ZDHHC15: variants seen among roughly 807,000 people sequenced by gnomAD.
ZDHHC15 encodes the protein zDHHC palmitoyltransferase 15.
Under a neutral mutation model 31.7 loss-of-function variants are expected in ZDHHC15, and 19 were observed. That is an observed-to-expected ratio of 0.60 (90% CI 0.42 to 0.88). The LOEUF (loss-of-function observed/expected upper bound fraction) is 0.88, where lower values mean the gene tolerates loss of function less well. Ranked by LOEUF, ZDHHC15 falls within the 40% of genes least tolerant of loss-of-function variation. ZDHHC15 has a pLI of 0.00. For missense variants in ZDHHC15, 209 were observed against 251.2 expected (o/e 0.83, Z 1.14); for synonymous variants, 103 against 90.0 (o/e 1.14, Z -0.82).
In ZDHHC15 at chrX:75,449,196, CTCTA is replaced by C. The variant is rs763161134; in HGVS notation, c.379+1602_379+1605del. Among the ~76,000 whole-genome samples the C allele has an allele frequency of 3.2e-3, 196 of 60,886 alleles. 5 individuals carry two copies. The East Asian group carries it at 0.13, about 40-fold the overall frequency. 52.9% of individuals were successfully genotyped at this position (60,886 alleles called of 115,157 possible). On this transcript the variant is annotated intron_variant, in intron 4 of 11. Transcript: ENST00000373367. ...CTGATTCCTCATAATCTCTCTCTCT[CTCTA>C]TACACACACACACACACACACACAC...
chrX:75,468,326 T>A (rs746165815), intron 3 of ZDHHC15, among the ~76,000 whole-genome samples: 5 of 111,869 alleles, frequency 4.5e-5, no homozygotes, highest in Non-Finnish European at 7.5e-5. Context: ...ATTACAGGCA[T>A]GAGCCACGAG....
At chrX:75,441,135 C>G (rs1044222473) in intron 4 of ZDHHC15, among the ~76,000 whole-genome samples, 12 of 112,193 alleles carry the variant, frequency 1.1e-4, no homozygotes, top group Admixed American at 3.8e-4. Context: ...AGGCCCTGCC[C>G]CTCCCTGCCT....
At chrX:75,522,759 A>T in intron 1 of ZDHHC15, 130 bp downstream of exon 1, 1 of 894,502 alleles carries the variant, frequency 1.1e-6, no homozygotes, top group Non-Finnish European at 1.5e-6. Flanking sequence ...GGGGACAAGG[A>T]ACTCTCCAGG....
rs1181822206 is a variant in ZDHHC15, at chrX:75,371,261, G to A, written c.*1717C>T. The A allele has an allele frequency of 9.0e-6, 1 of 111,447 alleles. No individual in the cohort carries two copies. Among genetic ancestry groups the A allele is most frequent in the African/African-American group, 3.3e-5 (1 of 30,621 alleles). 9.2% of individuals were successfully genotyped at this position (111,447 alleles called of 1,213,427 possible). A position where few individuals can be genotyped will look rare whatever the true frequency, so the allele number is the denominator to read the frequency against. On this transcript the variant is annotated 3_prime_UTR_variant, in exon 12 of 12. Transcript: ENST00000373367. ...AGAGTATTTTGAGAAAGAGTGTAAGGGGAAATTTTTTTCCATCTGAATATA... is the reference window on the plus strand; with the variant it reads ...AGAGTATTTTGAGAAAGAGTGTAAGAGGAAATTTTTTTCCATCTGAATATA...
chrX:75,391,522 A>G lies in ZDHHC15; in HGVS notation c.968-12324T>C, dbSNP rs1410352502. ...CAACATATCTCACAGCAGACTTTTC[A>G]GAGGAAACCTCACAGGCCAGGAGAG... On this transcript the variant is annotated intron_variant, in intron 10 of 11. Coordinates refer to ENST00000373367, the MANE Select transcript of ZDHHC15 (RefSeq NM_144969.3). 7.1e-5 allele frequency among the ~76,000 whole-genome samples: 8 copies of G among 112,372 alleles called. No individual in the cohort carries two copies. The East Asian group carries it at 2.2e-3, about 31-fold the overall frequency.
At chrX:75,518,455 T>C (rs954945392) in intron 1 of ZDHHC15, among the ~76,000 whole-genome samples, 3 of 109,709 alleles carry the variant, frequency 2.7e-5, no homozygotes, top group Non-Finnish European at 3.8e-5. Flanking sequence ...GTAAGATGGC[T>C]ATAATAAAAA....
At chrX:75,464,381 A>G (rs1467524028) in intron 3 of ZDHHC15, among the ~76,000 whole-genome samples, 1 of 111,215 alleles carries the variant, frequency 9.0e-6, no homozygotes, top group African/African-American at 3.3e-5. Flanking sequence ...ACATGTATAC[A>G]TATGTAACAA....
intron 2 of ZDHHC15, among the ~76,000 whole-genome samples, chrX:75,480,127 C>T (rs2084666258): frequency 9.0e-6 from 1 of 110,555 alleles, no homozygotes; most frequent in Admixed American, 9.6e-5. Flanking sequence ...GACTGAGCCT[C>T]TCATACATTT....
chrX:75,412,333 A>G (rs964125198), intron 10 of ZDHHC15, among the ~76,000 whole-genome samples: 2 of 112,174 alleles, frequency 1.8e-5, no homozygotes, highest in African/African-American at 6.5e-5. Flanking sequence ...CATGTTTACC[A>G]CAGAATTATT....
At chrX:75,469,906 T>C (rs1418475855) in intron 3 of ZDHHC15, among the ~76,000 whole-genome samples, 1 of 112,184 alleles carries the variant, frequency 8.9e-6, no homozygotes, top group Non-Finnish European at 1.9e-5. Context: ...GTTTTTTTTA[T>C]AGTAAGCCTT....
rs1212174572 is a variant in ZDHHC15, at chrX:75,491,442, A to C, written c.164-12457T>G. On this transcript the variant is annotated intron_variant, in intron 2 of 11. Transcript: ENST00000373367. ...ATTGAACAATGAGAACACATGGACA[A>C]AGGAAGGGGAACATCACACTCTGGG... Among the ~76,000 whole-genome samples the C allele has an allele frequency of 3.8e-3, 337 of 89,415 alleles. 1 individual carries two copies. The highest frequency in any genetic ancestry group is 0.013 in the African/African-American group (306 of 23,755). 77.6% of individuals were successfully genotyped at this position (89,415 alleles called of 115,157 possible).
chrX:75,496,067 G>C (rs1451458842), intron 2 of ZDHHC15, among the ~76,000 whole-genome samples: 2 of 110,795 alleles, frequency 1.8e-5, no homozygotes, highest in African/African-American at 6.6e-5. Flanking sequence ...ATGGCAGAAT[G>C]GAGAAAAATC....
intron 10 of ZDHHC15, among the ~76,000 whole-genome samples, chrX:75,386,791 T>A (rs2083184773): frequency 8.9e-6 from 1 of 112,282 alleles, no homozygotes; most frequent in Non-Finnish European, 1.9e-5. Context: ...GGATTCTTTT[T>A]AAATTATTTT....
chrX:75,369,657 G>C lies in ZDHHC15; in HGVS notation c.*3321C>G, dbSNP rs994240253. On this transcript the variant is annotated 3_prime_UTR_variant, in exon 12 of 12. Transcript: ENST00000373367. ...ATGGCACTGGTTGATGCCACATAGT[G>C]TGAAAAATATGTGTCACATGGGGCT... is the stretch of plus-strand genomic sequence containing the variant. 1 of 111,666 alleles carries C rather than the reference G, an allele frequency of 9.0e-6. No homozygotes were observed. Among genetic ancestry groups the C allele is most frequent in the African/African-American group, 3.3e-5 (1 of 30,671 alleles). The allele number at this position is 111,666 out of a possible 1,213,427, so 9.2% of individuals were successfully genotyped here. A position where few individuals can be genotyped will look rare whatever the true frequency, so the allele number is the denominator to read the frequency against.
At chrX:75,392,776 A>G (rs1265732567) in intron 10 of ZDHHC15, among the ~76,000 whole-genome samples, 1 of 112,000 alleles carries the variant, frequency 8.9e-6, no homozygotes, top group Non-Finnish European at 1.9e-5. Context: ...TATAGGCATA[A>G]ACATTTTTTT....
At chrX:75,400,998 A>C (rs2083349979) in intron 10 of ZDHHC15, among the ~76,000 whole-genome samples, 1 of 111,120 alleles carries the variant, frequency 9.0e-6, no homozygotes, top group African/African-American at 3.3e-5. Flanking sequence ...TATAGAAAGG[A>C]AAGACTGCTA....
chrX:75,417,129 C>T lies in ZDHHC15; in HGVS notation c.925G>A (p.Ala309Thr). Residue 309 changes from alanine to threonine, a missense_variant, in exon 10 of 12, where the codon GCA becomes ACA. Physicochemically the swap from Ala to Thr is moderately conservative, Grantham distance 58 (BLOSUM62 0). Coordinates refer to ENST00000373367, the MANE Select transcript of ZDHHC15 (RefSeq NM_144969.3). ...SMNESQNPLL[A>T]NEETWEDNED... ...TTGTCTTCCCAGGTTTCTTCATTTGCTAGCAGTGGGTTCTGTGACTCATTC... is the reference window on the plus strand; with the variant it reads ...TTGTCTTCCCAGGTTTCTTCATTTGTTAGCAGTGGGTTCTGTGACTCATTC... The T allele has an allele frequency of 1.4e-5, 17 of 1,209,960 alleles. No homozygotes were observed. The highest frequency in any genetic ancestry group is 1.9e-5 in the Non-Finnish European group (17 of 894,293).
intron 2 of ZDHHC15, among the ~76,000 whole-genome samples, chrX:75,486,687 T>A (rs1014086381): frequency 3.6e-5 from 4 of 111,744 alleles, no homozygotes; most frequent in African/African-American, 9.7e-5. Context: ...GCTGCATGGA[T>A]GCTAGGTGAG....
chrX:75,479,056 T>C, intron 2 of ZDHHC15, 71 bp from the exon 3 acceptor site: 1 of 708,454 alleles, frequency 1.4e-6, no homozygotes, highest in South Asian at 3.5e-5. Context: ...AATACAAAGC[T>C]CCATGACGAA....
Sources: gnomAD v4.1 joint callset for allele counts (sites outside exome capture counted in the v4.1 genomes callset) on GRCh38, gnomAD v4.1.1 for gene constraint, MANE v1.5 for transcripts, NCBI Gene and HGNC (gene_info 2026-07-23, HGNC 2026-07-21) for gene names.